The following EPHB1 variants were observed in gnomAD, a reference collection of about 807,000 sequenced individuals.
EPHB1 encodes EPH receptor B1, also known as ephrin type-B receptor 1.
Under a neutral mutation model 94.4 loss-of-function variants are expected in EPHB1, and 30 were observed. That is an observed-to-expected ratio of 0.32 (90% CI 0.24 to 0.43). The LOEUF is 0.43. Among genes scored for constraint, EPHB1 ranks in the 20% least tolerant of loss-of-function variants. The pLI is 1.00. For missense variants in EPHB1, 1,055 were observed against 1,308.3 expected, an observed-to-expected ratio of 0.81 and a Z score of 2.99; for synonymous variants, 522 against 489.1, an observed-to-expected ratio of 1.07 and a Z score of -0.89.
At chr3:135,130,389 C>G (rs1940376223) in intron 4 of EPHB1, among the ~76,000 whole-genome samples, 1 of 152,186 alleles carries the variant, frequency 6.6e-6, no homozygotes, top group South Asian at 2.1e-4. Context: ...AAAGGAAAAG[C>G]AGTCATGGCA....
intron 1 of EPHB1, among the ~76,000 whole-genome samples, chr3:134,882,827 C>CTTTCTTTCTTTCT (rs1560280798): frequency 2.3e-4 from 22 of 94,810 alleles, no homozygotes; most frequent in African/African-American, 6.3e-4. Context: ...TCTTTCTTTT[C>CTTTCTTTCTTTCT]TTTCTTTCTT....
intron 12 of EPHB1, among the ~76,000 whole-genome samples, chr3:135,237,818 G>T (rs1284529835): frequency 1.3e-5 from 2 of 152,188 alleles, no homozygotes; most frequent in East Asian, 3.8e-4. Context: ...GCACTGGGGA[G>T]CTGGGGGCTC....
In EPHB1 at chr3:135,030,909, G is replaced by A. The variant is rs564075131; in HGVS notation, c.806-75539G>A. 2.0e-3 allele frequency among the ~76,000 whole-genome samples: 311 copies of A among 152,322 alleles called. 1 individual carries two copies. The highest frequency in any genetic ancestry group is 3.6e-3 in the Non-Finnish European group (243 of 68,040). ...GAGTAGGACCCTCGGAGCCAGGTGC[G>A]GCATGTAATCTCGTGGTGCGCCATT... On this transcript the variant is annotated intron_variant, in intron 3 of 15. Transcript: ENST00000398015.
At chr3:134,849,869 G>T (rs1373032307) in intron 1 of EPHB1, among the ~76,000 whole-genome samples, 2 of 152,180 alleles carry the variant, frequency 1.3e-5, no homozygotes, top group Non-Finnish European at 2.9e-5. Context: ...CCTTTACTGG[G>T]CTGGGCTGGG....
chr3:135,152,881 T>C (rs1400220138), intron 5 of EPHB1, among the ~76,000 whole-genome samples: 1 of 152,150 alleles, frequency 6.6e-6, no homozygotes, highest in Non-Finnish European at 1.5e-5. Context: ...AGAGGTGCAT[T>C]TCACAGCCAC....
intron 1 of EPHB1, among the ~76,000 whole-genome samples, chr3:134,882,780 T>TTCTTTCTTTCTTTC (rs1560280576): frequency 3.3e-5 from 2 of 60,614 alleles, no homozygotes; most frequent in African/African-American, 1.0e-4. Context: ...CTTTCTTTCT[T>TTCTTTCTTTCTTTC]TCTTTCTTTC....
intron 6 of EPHB1, among the ~76,000 whole-genome samples, chr3:135,155,256 G>A (rs1941315394): frequency 2.0e-5 from 3 of 152,156 alleles, no homozygotes; most frequent in Admixed American, 2.0e-4. Flanking sequence ...AGAGCAGGTT[G>A]CATAATTAAG....
chr3:134,938,296 A>G (rs910229902), intron 2 of EPHB1, among the ~76,000 whole-genome samples: 22 of 152,152 alleles, frequency 1.4e-4, no homozygotes, highest in African/African-American at 5.3e-4. Context: ...GGGTGTATAG[A>G]TAGGGAGCCC....
chr3:135,029,084 C>A (rs919888450), intron 3 of EPHB1, among the ~76,000 whole-genome samples: 17 of 116,896 alleles, frequency 1.5e-4, no homozygotes, highest in Non-Finnish European at 3.0e-4. Context: ...CTTGGTAGAT[C>A]TTCCTCCATC....
intron 5 of EPHB1, among the ~76,000 whole-genome samples, chr3:135,150,394 C>T (rs1941156238): frequency 1.3e-5 from 2 of 152,312 alleles, no homozygotes; most frequent in Admixed American, 1.3e-4. Flanking sequence ...GGACTGATTC[C>T]AGAAAACTGC....
intron 1 of EPHB1, among the ~76,000 whole-genome samples, chr3:134,864,832 A>C (rs993080693): frequency 2.3e-4 from 35 of 152,204 alleles, no homozygotes; most frequent in Non-Finnish European, 1.5e-5. Flanking sequence ...GGCTGACCGT[A>C]GGGGAAGTGA....
At chr3:135,031,285 C>T (rs1382315528) in intron 3 of EPHB1, among the ~76,000 whole-genome samples, 2 of 152,044 alleles carry the variant, frequency 1.3e-5, no homozygotes, top group East Asian at 3.9e-4. Context: ...CTCTTTTCTT[C>T]CTTCTCTCTC....
intron 1 of EPHB1, among the ~76,000 whole-genome samples, chr3:134,810,195 T>C (rs530007731): frequency 6.6e-6 from 1 of 152,284 alleles, no homozygotes; most frequent in African/African-American, 2.4e-5. Context: ...TATGCAAATA[T>C]GTATATCACC....
chr3:135,039,286 T>C (rs1002607186), intron 3 of EPHB1, among the ~76,000 whole-genome samples: 22 of 152,168 alleles, frequency 1.4e-4, no homozygotes, highest in African/African-American at 3.4e-4. Context: ...AGGGTGCTGA[T>C]TGGTGTATTT....
intron 3 of EPHB1, among the ~76,000 whole-genome samples, chr3:135,011,354 T>C (rs1935615233): frequency 1.3e-5 from 2 of 152,350 alleles, no homozygotes; most frequent in South Asian, 4.1e-4. Context: ...CCAGGATGCA[T>C]CTTGATTTTA....
chr3:135,249,574 T>G (rs897126072), intron 15 of EPHB1, 83 bp downstream of exon 15: 3 of 1,484,928 alleles, frequency 2.0e-6, no homozygotes, highest in African/African-American at 2.8e-5. Flanking sequence ...GTGAGTCCTA[T>G]TTCTGGCCTC....
At chr3:134,980,542 T>A (rs1934363734) in intron 3 of EPHB1, among the ~76,000 whole-genome samples, 1 of 152,204 alleles carries the variant, frequency 6.6e-6, no homozygotes, top group Non-Finnish European at 1.5e-5. Context: ...GATTGCCCAA[T>A]GTACAGTGCT....
chr3:135,014,296 G>C (rs1211485261), intron 3 of EPHB1, among the ~76,000 whole-genome samples: 1 of 152,234 alleles, frequency 6.6e-6, no homozygotes, highest in Non-Finnish European at 1.5e-5. Context: ...TGTCCAGCCA[G>C]GTCACTCAGT....
intron 4 of EPHB1, among the ~76,000 whole-genome samples, chr3:135,123,021 G>A (rs1940038806): frequency 6.6e-6 from 1 of 152,178 alleles, no homozygotes; most frequent in South Asian, 2.1e-4. Flanking sequence ...TCAGGGACAG[G>A]AGCTTTTTCC....
Sources: allele counts gnomAD v4.1 joint callset (sites outside exome capture counted in the v4.1 genomes callset), GRCh38; gene constraint gnomAD v4.1.1; transcripts MANE v1.5; gene names NCBI Gene and HGNC (gene_info 2026-07-23, HGNC 2026-07-21).